The following AGRN variants were observed in gnomAD, a reference collection of about 807,000 sequenced individuals.
The protein encoded by AGRN is agrin proteoglycan.
A neutral mutation model predicts 211.0 loss-of-function variants in AGRN; 106 were observed. The observed-to-expected ratio is 0.50, with a 90% confidence interval of 0.43 to 0.59. AGRN has a LOEUF of 0.59. AGRN is among the 20% of genes least tolerant of loss of function. The pLI is 0.00. For missense variants in AGRN, 3,040 were observed against 2,982.6 expected (o/e 1.02, Z -0.45); for synonymous variants, 1,525 against 1,332.5 (o/e 1.14, Z -3.15).
At chr1:1,051,861 G>A (rs200154695) in intron 33 of AGRN, 46 bp downstream of exon 33, 134 of 1,609,028 alleles carry the variant, frequency 8.3e-5, no homozygotes, top group African/African-American at 4.9e-4. Flanking sequence ...CTGTGCCCTC[G>A]GGGCGGGACA....
At chr1:1,035,120 TG>T (rs1265272655) in intron 2 of AGRN, 156 bp from the exon 3 acceptor site, 4 of 792,308 alleles carry the variant, frequency 5.0e-6, no homozygotes, top group Non-Finnish European at 8.3e-6. Context: ...AGCCAGCCCA[TG>T]GGGTCAGGGC....
intron 1 of AGRN, 109 bp from the exon 2 acceptor site, chr1:1,022,092 G>A: frequency 1.4e-6 from 2 of 1,420,670 alleles, no homozygotes; most frequent in South Asian, 2.4e-5. Context: ...CCACATCTCT[G>A]CCCAGGGCTT....
intron 2 of AGRN, among the ~76,000 whole-genome samples, chr1:1,033,778 C>T (rs1191587633): frequency 6.9e-6 from 1 of 145,830 alleles, no homozygotes; most frequent in Non-Finnish European, 1.5e-5. Context: ...AGTCCCGGCC[C>T]AGCCCCAGCC....
At chr1:1,045,598 C>T (rs1015759906) in intron 14 of AGRN, 75 bp downstream of exon 14, 4 of 1,604,164 alleles carry the variant, frequency 2.5e-6, no homozygotes, top group South Asian at 2.2e-5. Context: ...TGCTTCTCCT[C>T]ACCTGCCCAG....
intron 19 of AGRN, 179 bp from the exon 20 acceptor site, chr1:1,047,148 T>G: frequency 7.4e-7 from 1 of 1,345,744 alleles, no homozygotes; most frequent in African/African-American, 1.5e-5. Context: ...CACACTGCTC[T>G]GAGGAGTCCT....
chr1:1,051,487 A>C lies in AGRN; in HGVS notation c.5405A>C (p.Glu1802Ala). 1 of 1,570,738 alleles carries C rather than the reference A, an allele frequency of 6.4e-7. No individual in the cohort carries two copies. Among genetic ancestry groups the C allele is most frequent in the Non-Finnish European group, 8.6e-7 (1 of 1,162,014 alleles). Residue 1802 changes from glutamate to alanine, a missense_variant, in exon 32 of 36, where the codon GAG becomes GCG. Glu to Ala is a moderately radical substitution (Grantham distance 107). Coordinates refer to ENST00000379370, the MANE Select transcript of AGRN (RefSeq NM_198576.4). The stretch of plus-strand genomic sequence containing the variant: ...GGAGGCCGCCAGCTGCTGACCCCGG[A>C]GCACGTGCTGCGGCAGGTGGACGTC... ...SLGGRQLLTPEHVLRQVDVTS... is the reference protein window; with the variant it reads ...SLGGRQLLTPAHVLRQVDVTS...
Position 1,028,545 on chromosome 1 carries a change from A to G in AGRN, c.463+6083A>G, listed in dbSNP as rs59744306. 4.4e-3 allele frequency among the ~76,000 whole-genome samples: 367 copies of G among 83,790 alleles called. 1 individual carries two copies. The highest frequency in any genetic ancestry group is 0.02 in the Middle Eastern group (2 of 98). 55.0% of individuals were successfully genotyped at this position (83,790 alleles called of 152,430 possible). ...CCCCAGCCCCTCATGGGCCAAGGGC[A>G]CCCACAGCCACGCCACCCTTTCCGA... On this transcript the variant is annotated intron_variant, in intron 2 of 35. Coordinates refer to ENST00000379370, the MANE Select transcript of AGRN (RefSeq NM_198576.4).
At position 1,048,653 on chromosome 1, in the gene AGRN, C is replaced by T. The variant is rs113822357; in HGVS notation, c.4106-214C>T. 0.019 allele frequency: 12,318 copies of T among 635,728 alleles called. 1,064 individuals carry two copies. The African/African-American group carries it at 0.2, about 10-fold the overall frequency. 39.4% of individuals were successfully genotyped at this position (635,728 alleles called of 1,614,324 possible). A position where few individuals can be genotyped will look rare whatever the true frequency, so the allele number is the denominator to read the frequency against. Reference sequence around the variant, plus strand: ...GGCGTGGTGGTGGGCGCCTGTAATCCCACCTCGTGAGGCTGAGGCAGGAGA... The same window carrying T: ...GGCGTGGTGGTGGGCGCCTGTAATCTCACCTCGTGAGGCTGAGGCAGGAGA... On this transcript the variant is annotated intron_variant, in intron 23 of 35. Coordinates refer to ENST00000379370, the MANE Select transcript of AGRN (RefSeq NM_198576.4). The surrounding 1 kb of genome is among the most constrained non-coding windows in gnomAD (Gnocchi z 5.9).
At position 1,040,744 on chromosome 1, in the gene AGRN, C is replaced by T. The variant is rs1557699500; in HGVS notation, c.591C>T (p.Cys197=). The T allele has an allele frequency of 1.3e-6, 2 of 1,544,592 alleles. No individual in the cohort carries two copies. The highest frequency in any genetic ancestry group is 1.2e-5 in the South Asian group (1 of 84,092). ...AEGPGRASCV[C]KKSPCPSVVA... is the part of the protein sequence containing the mutation. ...GGCCGGGCCGGGCGTCCTGCGTCTG[C>T]AAGAAGAGCCCGTGCCCCAGCGTGG... Residue 197 remains cysteine (C), a synonymous_variant, in exon 4 of 36, where the codon TGC becomes TGT. Transcript: ENST00000379370.
chr1:1,046,508 C>T lies in AGRN; in HGVS notation c.3023C>T (p.Pro1008Leu), dbSNP rs1269791320. The change falls in exon 18 of 36, where the codon CCC becomes CTC. Residue 1008 changes from proline to leucine, a missense_variant. Coordinates refer to ENST00000379370, the MANE Select transcript of AGRN (RefSeq NM_198576.4). ...CCCCCCGGCGCCCTCCCCCTGGCTC[C>T]CAGCAGTACCGCACACAGCCAGACC... is the stretch of plus-strand genomic sequence containing the variant. ...PAPPGALPLA[P>L]SSTAHSQTTP... 1.2e-6 allele frequency: 2 copies of T among 1,611,110 alleles called. No individual in the cohort carries two copies. The highest frequency in any genetic ancestry group is 3.3e-5 in the Admixed American group (2 of 59,928).
chr1:1,041,262 C>T lies in AGRN; in HGVS notation c.817C>T (p.Pro273Ser). The change falls in exon 5 of 36, where the codon CCC (proline) becomes TCC (serine). Residue 273 changes from proline (P) to serine (S), a missense_variant. This residue lies in a region of AGRN where 1,498 missense variants were observed against 1,457.8 expected (regional missense o/e 1.03). Coordinates refer to ENST00000379370, the MANE Select transcript of AGRN (RefSeq NM_198576.4). ...CGGGCTGACGGCCTCGTGCCTGTGC[C>T]CCGCGACCTGCCGTGGCGCCCCCGA... Reference protein sequence around the residue: ...ADGLTASCLCPATCRGAPEGT... With the variant: ...ADGLTASCLCSATCRGAPEGT... 6.6e-7 allele frequency: 1 copy of T among 1,504,868 alleles called. No individual in the cohort carries two copies. Among genetic ancestry groups the T allele is most frequent in the South Asian group, 1.2e-5 (1 of 81,546 alleles). The allele number at this position is 1,504,868 out of a possible 1,614,324, so 93.2% of individuals were successfully genotyped here. A position where few individuals can be genotyped will look rare whatever the true frequency, so the allele number is the denominator to read the frequency against.
Position 1,048,797 on chromosome 1 carries a change from G to C in AGRN, c.4106-70G>C. The C allele has an allele frequency of 1.6e-6, 2 of 1,253,964 alleles. No homozygotes were observed. The highest frequency in any genetic ancestry group is 1.1e-6 in the Non-Finnish European group (1 of 927,902). 77.7% of individuals were successfully genotyped at this position (1,253,964 alleles called of 1,614,324 possible). A position where few individuals can be genotyped will look rare whatever the true frequency, so the allele number is the denominator to read the frequency against. ...AAAAAAAAAAAAAAAAAAGCAGGGG[G>C]CGGTTTCAGGGATAAAAGTGGGGAA... On this transcript the variant is annotated intron_variant, in intron 23 of 35. Transcript: ENST00000379370. The surrounding 1 kb of genome is among the most constrained non-coding windows in gnomAD (Gnocchi z 5.9).
intron 2 of AGRN, chr1:1,035,003 G>A (rs1644767281): frequency 3.5e-6 from 2 of 572,878 alleles, no homozygotes; most frequent in South Asian, 2.1e-5. Flanking sequence ...TCCAGGGAAG[G>A]GGGTCCTGCC....
rs1645021649 is a variant in AGRN at position 1,044,021 on chromosome 1, A to G, written c.1997A>G (p.Gln666Arg). The G allele has an allele frequency of 6.2e-7, 1 of 1,609,956 alleles. No homozygotes were observed. Among genetic ancestry groups the G allele is most frequent in the Non-Finnish European group, 8.5e-7 (1 of 1,179,460 alleles). The change falls in exon 10 of 36, where the codon CAG (glutamine) becomes CGG (arginine). Residue 666 changes from glutamine to arginine, a missense_variant and splice_region_variant. Coordinates refer to ENST00000379370, the MANE Select transcript of AGRN (RefSeq NM_198576.4). ...GAGGCCCGGGCAGGGCCGTGCGAGC[A>G]GGGTAGGCCGGGGGACGCTGGCGAA... ...IEEARAGPCE[Q>R]AECGSGGSGS...
At position 1,048,929 on chromosome 1, in the gene AGRN, G is replaced by A. The variant is rs750256949; in HGVS notation, c.4168G>A (p.Ala1390Thr). ...CTTCCTGGCCTTCCCCACTCTCCGC[G>A]CCTACCACACGCTGCGCCTGGCACT... The part of the protein sequence containing the change: ...RSFLAFPTLR[A>T]YHTLRLALEF... Residue 1390 changes from alanine (A) to threonine (T), a missense_variant, in exon 24 of 36, where the codon GCC (alanine) becomes ACC (threonine). Physicochemically the swap from Ala to Thr is moderately conservative, Grantham distance 58 (BLOSUM62 0). Transcript: ENST00000379370. The surrounding 1 kb of genome is among the most constrained non-coding windows in gnomAD (Gnocchi z 5.9). 2 of 1,562,278 alleles carry A rather than the reference G, an allele frequency of 1.3e-6. No individual in the cohort carries two copies. The highest frequency in any genetic ancestry group is 1.7e-6 in the Non-Finnish European group (2 of 1,154,714).
chr1:1,053,836 C>A lies in AGRN; in HGVS notation c.5735C>A (p.Ala1912Asp), dbSNP rs141178720. ...TQGLVLWSGK[A>D]TERADYVALA... is the part of the protein sequence containing the mutation. ...GGGCTGGTGCTCTGGAGTGGCAAGG[C>A]CACGGAGCGGGCAGACTATGTGGCA... Residue 1912 changes from alanine to aspartate, a missense_variant, in exon 34 of 36, where the codon GCC (alanine) becomes GAC (aspartate). Around this residue, in one of 3 missense-constraint regions of AGRN, gnomAD observed 1,537 missense variants for 1,505.0 expected, o/e 1.02. Transcript: ENST00000379370. The A allele has an allele frequency of 6.2e-7, 1 of 1,610,704 alleles. No homozygotes were observed. The highest frequency in any genetic ancestry group is 8.5e-7 in the Non-Finnish European group (1 of 1,179,208).
Position 1,055,216 on chromosome 1 carries a change from G to A in AGRN, c.*235G>A. The A allele has an allele frequency of 1.5e-6, 1 of 647,748 alleles. No homozygotes were observed. The highest frequency in any genetic ancestry group is 2.7e-6 in the Non-Finnish European group (1 of 375,574). 40.1% of individuals were successfully genotyped at this position (647,748 alleles called of 1,614,324 possible). A position where few individuals can be genotyped will look rare whatever the true frequency, so the allele number is the denominator to read the frequency against. ...TCAGGACACACACCCCTGCCTCAAG[G>A]TGCTGAGCCCCCGCCTTGCACTGCG... On this transcript the variant is annotated 3_prime_UTR_variant, in exon 36 of 36. Transcript: ENST00000379370.
At chr1:1,021,575 C>T (rs565880107) in intron 1 of AGRN, among the ~76,000 whole-genome samples, 5 of 152,370 alleles carry the variant, frequency 3.3e-5, no homozygotes, top group South Asian at 2.1e-4. Flanking sequence ...TCCCTGTCCC[C>T]GTGAGGGCCG....
intron 15 of AGRN, 36 bp from the exon 16 acceptor site, chr1:1,045,928 C>A (rs760392979): frequency 6.2e-7 from 1 of 1,611,610 alleles, no homozygotes; most frequent in Non-Finnish European, 8.5e-7. Context: ...GGTGGGGTCA[C>A]CCGAGCCACA....
Sources: allele counts gnomAD v4.1 joint callset (sites outside exome capture counted in the v4.1 genomes callset), GRCh38; gene constraint gnomAD v4.1.1; regional missense constraint gnomAD v4.1.1; non-coding constraint Gnocchi (gnomAD v3.1); transcripts MANE v1.5; gene names NCBI Gene and HGNC (gene_info 2026-07-23, HGNC 2026-07-21).